SLC35F4: variants seen among roughly 807,000 people sequenced by gnomAD.
SLC35F4 encodes the protein solute carrier family 35 member F4.
SLC35F4 carries 24 observed loss-of-function variants against 44.2 expected under a neutral mutation model. The observed-to-expected ratio is 0.54, with a 90% CI of 0.39 to 0.76. SLC35F4 has a LOEUF of 0.76. SLC35F4 is among the 30% of genes least tolerant of loss of function. SLC35F4 has a pLI of 0.00. For synonymous variants in SLC35F4, 238 were observed against 223.6 expected (o/e 1.06, Z -0.57); for missense variants, 562 against 586.1 (o/e 0.96, Z 0.42).
intron 1 of SLC35F4, among the ~76,000 whole-genome samples, chr14:57,905,104 T>G (rs77086525): frequency 0.051 from 7,766 of 152,312 alleles, 295 homozygotes; most frequent in Middle Eastern, 0.1. Flanking sequence ...TCTCATGAGT[T>G]GCAGTTAGAC....
chr14:57,740,164 G>A (rs2076569384), intron 1 of SLC35F4, among the ~76,000 whole-genome samples: 1 of 152,124 alleles, frequency 6.6e-6, no homozygotes, highest in African/African-American at 2.4e-5. Context: ...AATTTAAAAT[G>A]CAAGACAATG....
intron 3 of SLC35F4, among the ~76,000 whole-genome samples, chr14:57,583,667 T>C (rs1476073859): frequency 6.6e-6 from 1 of 152,192 alleles, no homozygotes; most frequent in Non-Finnish European, 1.5e-5. Context: ...CAGGTGTTCA[T>C]TCCCTCGTTC....
chr14:57,601,957 T>A (rs191530253), intron 1 of SLC35F4, among the ~76,000 whole-genome samples: 3 of 152,302 alleles, frequency 2.0e-5, no homozygotes, highest in Admixed American at 2.0e-4. Context: ...CCAAAGCCCA[T>A]ATTCTCTCCA....
chr14:57,667,855 G>A (rs1381525454), intron 1 of SLC35F4, among the ~76,000 whole-genome samples: 2 of 148,416 alleles, frequency 1.3e-5, no homozygotes, highest in East Asian at 2.0e-4. Flanking sequence ...ACCCAGTAAT[G>A]GGATGGCTGA....
At chr14:57,792,250 TAAA>T (rs568578093) in intron 1 of SLC35F4, among the ~76,000 whole-genome samples, 1 of 151,852 alleles carries the variant, frequency 6.6e-6, no homozygotes, top group African/African-American at 2.4e-5. Context: ...AATCAAAAAA[TAAA>T]AAACAGTAGA....
intron 1 of SLC35F4, among the ~76,000 whole-genome samples, chr14:57,800,049 T>C (rs928726537): frequency 3.3e-5 from 5 of 152,114 alleles, no homozygotes; most frequent in Non-Finnish European, 5.9e-5. Context: ...ATCCCATTCC[T>C]CCTGACTGGG....
At chr14:57,667,501 C>T (rs888681490) in intron 1 of SLC35F4, among the ~76,000 whole-genome samples, 8 of 145,008 alleles carry the variant, frequency 5.5e-5, no homozygotes, top group Non-Finnish European at 7.5e-5. Context: ...GACCCCACAA[C>T]AGGCCCCAGT....
chr14:57,907,152 T>C (rs1889116655), intron 1 of SLC35F4, among the ~76,000 whole-genome samples: 1 of 152,196 alleles, frequency 6.6e-6, no homozygotes, highest in Admixed American at 6.6e-5. Flanking sequence ...AGTGGTGCAA[T>C]CATAGCTCAC....
At chr14:57,950,675 C>CTTTTTTTTTTTTTTTTTTTTTT (rs59027196) in intron 1 of SLC35F4, among the ~76,000 whole-genome samples, 28 of 127,194 alleles carry the variant, frequency 2.2e-4, no homozygotes, top group Non-Finnish European at 2.9e-4. Context: ...TTCTTTCTTT[C>CTTTTTTTTTTTTTTTTTTTTTT]TTTTTTTTTT....
chr14:57,607,518 T>C (rs895062118), intron 1 of SLC35F4, among the ~76,000 whole-genome samples: 1 of 152,216 alleles, frequency 6.6e-6, no homozygotes, highest in African/African-American at 2.4e-5. Flanking sequence ...AAACCCACAA[T>C]GATGAGTCCC....
chr14:57,722,387 T>A (rs938871274), intron 1 of SLC35F4, among the ~76,000 whole-genome samples: 1 of 152,164 alleles, frequency 6.6e-6, no homozygotes, highest in African/African-American at 2.4e-5. Flanking sequence ...AGTGGATTAG[T>A]CACTTTAGAC....
intron 1 of SLC35F4, among the ~76,000 whole-genome samples, chr14:57,913,726 T>A (rs1889261241): frequency 6.6e-6 from 1 of 152,220 alleles, no homozygotes; most frequent in South Asian, 2.1e-4. Flanking sequence ...TAATTTGGAA[T>A]TGTTTAAATG....
chr14:57,843,783 C>T (rs925924559), intron 1 of SLC35F4, among the ~76,000 whole-genome samples: 3 of 152,122 alleles, frequency 2.0e-5, no homozygotes, highest in African/African-American at 7.2e-5. Context: ...TATGATGTTC[C>T]TGTAGCATAC....
chr14:57,930,113 T>C (rs1007915326), intron 1 of SLC35F4, among the ~76,000 whole-genome samples: 1 of 152,170 alleles, frequency 6.6e-6, no homozygotes, highest in Admixed American at 6.5e-5. Flanking sequence ...TCAACTCTAA[T>C]TATAGATCTG....
At chr14:57,884,257 T>G (rs1888599873) in intron 1 of SLC35F4, among the ~76,000 whole-genome samples, 1 of 152,192 alleles carries the variant, frequency 6.6e-6, no homozygotes. Context: ...CTGTTCTTCC[T>G]CAACAGATTT....
intron 1 of SLC35F4, among the ~76,000 whole-genome samples, chr14:57,676,618 A>G (rs1015961292): frequency 2.0e-5 from 3 of 152,106 alleles, no homozygotes; most frequent in Admixed American, 1.3e-4. Flanking sequence ...TGAATAGACA[A>G]TTCTCAAAAG....
intron 1 of SLC35F4, among the ~76,000 whole-genome samples, chr14:57,956,669 G>T (rs57639815): frequency 1.9e-3 from 288 of 152,110 alleles, no homozygotes; most frequent in African/African-American, 6.5e-3. Context: ...ACATTTATGT[G>T]GCCAACAAAC....
intron 1 of SLC35F4, among the ~76,000 whole-genome samples, chr14:57,807,316 GCTACC>G (rs1484269866): frequency 6.6e-6 from 1 of 152,038 alleles, no homozygotes; most frequent in African/African-American, 2.4e-5. Context: ...CCCAGCTGGT[GCTACC>G]TAGGTGGGGC....
chr14:57,577,176 A>G (rs1025569908), intron 4 of SLC35F4, among the ~76,000 whole-genome samples: 2 of 152,184 alleles, frequency 1.3e-5, no homozygotes, highest in Non-Finnish European at 2.9e-5. Flanking sequence ...ATCAGCATAA[A>G]TCAGTAGCAG....
Sources: gnomAD v4.1 joint callset for allele counts (sites outside exome capture counted in the v4.1 genomes callset) on GRCh38, gnomAD v4.1.1 for gene constraint, MANE v1.5 for transcripts, NCBI Gene and HGNC (gene_info 2026-07-23, HGNC 2026-07-21) for gene names.